Variants in MGAT4C observed in about 807,000 individuals in gnomAD.
The protein encoded by MGAT4C is alpha-1,3-mannosyl-glycoprotein 4-beta-N-acetylglucosaminyltransferase C.
In MGAT4C, 19 loss-of-function variants were observed where a neutral mutation model predicts 40.1. The observed-to-expected ratio is 0.47, with a 90% CI of 0.33 to 0.70. The LOEUF is 0.70. MGAT4C is among the 30% of genes least tolerant of loss of function. MGAT4C has a pLI of 0.02. For missense variants in MGAT4C, 491 were observed against 563.2 expected (o/e 0.87, Z 1.30); for synonymous variants, 181 against 187.1 (o/e 0.97, Z 0.27).
At chr12:86,142,621 AT>A (rs1263334358) in intron 1 of MGAT4C, among the ~76,000 whole-genome samples, 2 of 151,848 alleles carry the variant, frequency 1.3e-5, no homozygotes, top group Admixed American at 6.6e-5. Flanking sequence ...ATAGTAGGGG[AT>A]TGTTTATATA....
chr12:86,761,206 A>T (rs988848894), intron 1 of MGAT4C, among the ~76,000 whole-genome samples: 5 of 152,210 alleles, frequency 3.3e-5, no homozygotes, highest in African/African-American at 1.2e-4. Context: ...ATAAAAGGCC[A>T]GCCTTTCTTT....
At chr12:86,598,998 G>T (rs1365594358) in intron 2 of MGAT4C, among the ~76,000 whole-genome samples, 1 of 152,118 alleles carries the variant, frequency 6.6e-6, no homozygotes, top group Non-Finnish European at 1.5e-5. Context: ...GAAGAAAGAA[G>T]AGATGTTTCC....
chr12:86,392,082 A>T (rs1374710914), intron 3 of MGAT4C, among the ~76,000 whole-genome samples: 1 of 152,144 alleles, frequency 6.6e-6, no homozygotes, highest in Non-Finnish European at 1.5e-5. Flanking sequence ...TTTAATTGTT[A>T]TGATTACTGG....
At chr12:86,361,027 G>A (rs1222173092) in intron 3 of MGAT4C, among the ~76,000 whole-genome samples, 2 of 99,432 alleles carry the variant, frequency 2.0e-5, no homozygotes, top group African/African-American at 3.7e-5. Context: ...TGCATTGCAA[G>A]GACAATCCTA....
chr12:86,537,742 A>G (rs1959099181), intron 2 of MGAT4C, among the ~76,000 whole-genome samples: 1 of 152,114 alleles, frequency 6.6e-6, no homozygotes, highest in Admixed American at 6.6e-5. Flanking sequence ...TTCTAGAGCC[A>G]TGTACATGAA....
At chr12:86,821,142 G>A (rs1952698055) in intron 1 of MGAT4C, among the ~76,000 whole-genome samples, 2 of 150,868 alleles carry the variant, frequency 1.3e-5, no homozygotes, top group African/African-American at 2.4e-5. Context: ...GAATGAGTGT[G>A]TATGTAATAC....
chr12:86,438,478 G>T (rs1456445709), intron 2 of MGAT4C, among the ~76,000 whole-genome samples: 1 of 151,918 alleles, frequency 6.6e-6, no homozygotes, highest in Non-Finnish European at 1.5e-5. Context: ...GACAACTGAT[G>T]AAAGTGGCTA....
At chr12:86,089,443 G>T (rs1295728272) in intron 1 of MGAT4C, among the ~76,000 whole-genome samples, 1 of 151,760 alleles carries the variant, frequency 6.6e-6, no homozygotes, top group Admixed American at 6.6e-5. Context: ...GATTGAGCTT[G>T]TTGAGTTTTT....
intron 2 of MGAT4C, among the ~76,000 whole-genome samples, chr12:86,681,697 G>A (rs1293563914): frequency 1.3e-5 from 2 of 151,916 alleles, no homozygotes; most frequent in East Asian, 1.9e-4. Flanking sequence ...TGGTATTGGA[G>A]TTATATTACA....
intron 2 of MGAT4C, among the ~76,000 whole-genome samples, chr12:86,640,629 T>G (rs1963353106): frequency 6.6e-6 from 1 of 152,038 alleles, no homozygotes; most frequent in African/African-American, 2.4e-5. Context: ...TTTAGTTATT[T>G]CTTGCCTTCT....
intron 1 of MGAT4C, among the ~76,000 whole-genome samples, chr12:86,146,491 T>G (rs1883529563): frequency 6.6e-6 from 1 of 152,178 alleles, no homozygotes; most frequent in South Asian, 2.1e-4. Flanking sequence ...AAGTTAATTT[T>G]AAAAGTATTT....
At chr12:86,019,128 C>G (rs1020672829) in intron 2 of MGAT4C, among the ~76,000 whole-genome samples, 1 of 151,968 alleles carries the variant, frequency 6.6e-6, no homozygotes, top group Non-Finnish European at 1.5e-5. Flanking sequence ...TTAACTCGTT[C>G]TGAGAAAAGT....
intron 2 of MGAT4C, among the ~76,000 whole-genome samples, chr12:86,505,415 T>A (rs1180853499): frequency 6.6e-6 from 1 of 152,144 alleles, no homozygotes; most frequent in Non-Finnish European, 1.5e-5. Flanking sequence ...CAAATGTAAT[T>A]AGGATATGCC....
At chr12:86,199,819 C>T (rs1949970878) in intron 1 of MGAT4C, among the ~76,000 whole-genome samples, 1 of 152,034 alleles carries the variant, frequency 6.6e-6, no homozygotes, top group African/African-American at 2.4e-5. Context: ...AACTCAAATA[C>T]ATAAATCATC....
chr12:86,054,057 G>T (rs1422236821), intron 1 of MGAT4C, among the ~76,000 whole-genome samples: 1 of 151,924 alleles, frequency 6.6e-6, no homozygotes, highest in Non-Finnish European at 1.5e-5. Flanking sequence ...TTGAAAAAAA[G>T]AACTACCTTA....
At chr12:86,461,269 C>T (rs1407567444) in intron 2 of MGAT4C, among the ~76,000 whole-genome samples, 3 of 138,904 alleles carry the variant, frequency 2.2e-5, no homozygotes, top group Non-Finnish European at 4.6e-5. Flanking sequence ...GACGGAGTCT[C>T]GCTCTGTCGC....
At chr12:86,649,984 G>A (rs1459406528) in intron 2 of MGAT4C, among the ~76,000 whole-genome samples, 1 of 151,818 alleles carries the variant, frequency 6.6e-6, no homozygotes, top group Non-Finnish European at 1.5e-5. Context: ...TGCACCATCA[G>A]TCTGGAAAAT....
intron 3 of MGAT4C, among the ~76,000 whole-genome samples, chr12:86,418,350 C>A (rs1321414350): frequency 1.3e-5 from 2 of 152,036 alleles, no homozygotes; most frequent in African/African-American, 4.8e-5. Flanking sequence ...TGCCTATAAT[C>A]CCAACACTTT....
At chr12:86,768,356 T>C (rs375162489) in intron 1 of MGAT4C, among the ~76,000 whole-genome samples, 1 of 151,938 alleles carries the variant, frequency 6.6e-6, no homozygotes, top group Non-Finnish European at 1.5e-5. Flanking sequence ...CACTGCTCAA[T>C]GAAATAAAAG....
Sources: gnomAD v4.1 joint callset for allele counts (sites outside exome capture counted in the v4.1 genomes callset) on GRCh38, gnomAD v4.1.1 for gene constraint, MANE v1.5 for transcripts, NCBI Gene and HGNC (gene_info 2026-07-23, HGNC 2026-07-21) for gene names.